NDUFAF6: variants seen among roughly 807,000 people sequenced by gnomAD.
The protein encoded by NDUFAF6 is NADH dehydrogenase (ubiquinone) complex I, assembly factor 6.
In NDUFAF6, 45 loss-of-function variants were observed where a neutral mutation model predicts 40.8. That is an observed-to-expected ratio of 1.10 (90% confidence interval 0.87 to 1.42). The LOEUF (loss-of-function observed/expected upper bound fraction) is 1.42. Among genes scored for constraint, NDUFAF6 ranks in the 40% most tolerant of loss-of-function variants. NDUFAF6 has a pLI of 0.00. For missense variants in NDUFAF6, 435 were observed against 418.5 expected, an observed-to-expected ratio of 1.04 and a Z score of -0.34; for synonymous variants, 185 against 155.9, an observed-to-expected ratio of 1.19 and a Z score of -1.39.
intron 1 of NDUFAF6, among the ~76,000 whole-genome samples, chr8:94,965,520 G>A (rs1245793631): frequency 6.6e-6 from 1 of 152,226 alleles, no homozygotes; most frequent in Non-Finnish European, 1.5e-5. Context: ...CTTGGTAGAA[G>A]GGTGGGAGAT....
upstream of NDUFAF6, among the ~76,000 whole-genome samples, chr8:95,099,392 A>G (rs1000551988): frequency 4.0e-5 from 6 of 151,496 alleles, no homozygotes; most frequent in South Asian, 8.3e-4. Context: ...GCCTTCCTCC[A>G]TATTCTCTGC....
At chr8:95,084,265 T>A (rs751693377) in intron 2 of NDUFAF6, among the ~76,000 whole-genome samples, 1 of 152,144 alleles carries the variant, frequency 6.6e-6, no homozygotes, top group Non-Finnish European at 1.5e-5. Flanking sequence ...GTCCCCTAGT[T>A]ATTTTGAATC....
chr8:94,935,989 A>G (rs1820938208), intron 1 of NDUFAF6, among the ~76,000 whole-genome samples: 1 of 152,184 alleles, frequency 6.6e-6, no homozygotes. Context: ...GTATAGTAGA[A>G]GCTGGAGTGG....
intron 1 of NDUFAF6, among the ~76,000 whole-genome samples, chr8:94,896,139 C>G (rs1430134074): frequency 6.6e-6 from 1 of 152,110 alleles, no homozygotes; most frequent in Admixed American, 6.5e-5. Flanking sequence ...GAGGGTAAAA[C>G]CCCTCTCCGG....
intron 2 of NDUFAF6, among the ~76,000 whole-genome samples, chr8:94,989,929 T>C (rs924641807): frequency 6.6e-6 from 1 of 152,200 alleles, no homozygotes; most frequent in Non-Finnish European, 1.5e-5. Context: ...GGGCTCTCAC[T>C]GTGTTGCCCA....
Position 95,045,651 on chromosome 8 carries a change from A to G in NDUFAF6, c.580+4A>G. ...TACTTAACACTAGAAATATTGGGTA[A>G]GTTGTTTTTCTGTTTCATACTTCTT... is the stretch of plus-strand genomic sequence containing the variant. On this transcript the variant is annotated splice_donor_region_variant and intron_variant, in intron 5 of 8. Coordinates refer to ENST00000396124, the MANE Select transcript of NDUFAF6 (RefSeq NM_152416.4). 6.2e-7 allele frequency: 1 copy of G among 1,607,234 alleles called. No homozygotes were observed. Among genetic ancestry groups the G allele is most frequent in the Non-Finnish European group, 8.5e-7 (1 of 1,174,256 alleles).
intron 8 of NDUFAF6, chr8:95,055,211 C>T (rs1296034893): frequency 2.6e-5 from 4 of 152,132 alleles, no homozygotes; most frequent in Non-Finnish European, 5.9e-5. Context: ...ATAGCAATCA[C>T]CCATGCTTGC....
intron 2 of NDUFAF6, among the ~76,000 whole-genome samples, chr8:94,996,880 G>A (rs953868689): frequency 5.9e-5 from 9 of 152,306 alleles, no homozygotes; most frequent in African/African-American, 2.2e-4. Context: ...TTCCCTGAAA[G>A]CCAAGGAGAG....
At chr8:95,052,349 C>A in intron 8 of NDUFAF6, 119 bp downstream of exon 8, 2 of 1,086,766 alleles carry the variant, frequency 1.8e-6, no homozygotes, top group Non-Finnish European at 2.8e-6. Flanking sequence ...TTTTGTTTCC[C>A]TCCCTCATGG....
chr8:95,025,320 C>A (rs1827972044), intron 1 of NDUFAF6, 115 bp downstream of exon 1: 1 of 1,100,990 alleles, frequency 9.1e-7, no homozygotes, highest in Non-Finnish European at 1.2e-6. Context: ...TTCCTCGTGC[C>A]CCTCTGGGTG....
chr8:95,052,690 CT>C (rs1246229216), intron 8 of NDUFAF6, among the ~76,000 whole-genome samples: 1 of 152,156 alleles, frequency 6.6e-6, no homozygotes, highest in African/African-American at 2.4e-5. Flanking sequence ...TAGCCCACTG[CT>C]GAGCTGGTTG....
Position 95,047,007 on chromosome 8 carries a change from T to A in NDUFAF6, c.594T>A (p.Leu198=). The A allele has an allele frequency of 1.9e-6, 3 of 1,614,136 alleles. No homozygotes were observed. Among genetic ancestry groups the A allele is most frequent in the Non-Finnish European group, 2.5e-6 (3 of 1,180,018 alleles). ...LTLEILGIKD[L]HADHAASHIG... is the part of the protein sequence containing the mutation. ...CTGAAATCATAGGTATAAAGGATCT[T>A]CATGCAGATCATGCTGCAAGTCATA... The change falls in exon 6 of 9, where the codon CTT becomes CTA. Residue 198 remains leucine, a synonymous_variant. Transcript: ENST00000396124.
intron 1 of NDUFAF6, among the ~76,000 whole-genome samples, chr8:95,029,861 C>G (rs904837478): frequency 3.3e-5 from 5 of 152,128 alleles, no homozygotes; most frequent in Admixed American, 1.3e-4. Flanking sequence ...ATGTTAACCT[C>G]TTACTACGTG....
chr8:95,042,313 A>T lies in NDUFAF6; in HGVS notation c.477+687A>T, dbSNP rs368975568. Among the ~76,000 whole-genome samples, 6 of 152,340 alleles carry T rather than the reference A, an allele frequency of 3.9e-5. No homozygotes were observed. In the East Asian group the frequency reaches 5.8e-4, roughly 15 times the overall value. ...TTCCCCTTGGCCTGATATTAATTACATGCTGTTGTCATGGAAATATGTAAG... is the reference window on the plus strand; with the variant it reads ...TTCCCCTTGGCCTGATATTAATTACTTGCTGTTGTCATGGAAATATGTAAG... On this transcript the variant is annotated intron_variant, in intron 4 of 8. Coordinates refer to ENST00000396124, the MANE Select transcript of NDUFAF6 (RefSeq NM_152416.4).
chr8:95,117,974 T>G (rs754933634), downstream of NDUFAF6, among the ~76,000 whole-genome samples: 1 of 152,274 alleles, frequency 6.6e-6, no homozygotes. Flanking sequence ...TATGATTCTG[T>G]GTCGGCTGAC....
Position 95,075,708 on chromosome 8 carries a change from G to C in NDUFAF6, c.*587G>C, listed in dbSNP as rs977394800. ...CCTGGGAAAATGAAGCCAACTGGGA[G>C]AGAGATTTGAAGGACTCTGGTTCTA... On this transcript the variant is annotated 3_prime_UTR_variant and NMD_transcript_variant, in exon 10 of 10. Coordinates refer to the NDUFAF6 transcript ENST00000520757. 3.9e-6 allele frequency: 5 copies of C among 1,287,776 alleles called. No individual in the cohort carries two copies. In the African/African-American group the frequency reaches 7.6e-5, roughly 20 times the overall value. 79.8% of individuals were successfully genotyped at this position (1,287,776 alleles called of 1,614,324 possible).
chr8:94,919,567 C>T (rs963040785), intron 1 of NDUFAF6, among the ~76,000 whole-genome samples: 1 of 152,150 alleles, frequency 6.6e-6, no homozygotes, highest in Non-Finnish European at 1.5e-5. Context: ...ACCAGGAATA[C>T]ATAGCGTTGA....
At chr8:95,115,931 A>G (rs1195988046) in intron 5 of NDUFAF6, among the ~76,000 whole-genome samples, 6 of 152,182 alleles carry the variant, frequency 3.9e-5, no homozygotes, top group Non-Finnish European at 5.9e-5. Context: ...TGAGGTCAGC[A>G]GTTAGAGAAC....
chr8:95,117,251 G>C (rs1810153872), downstream of NDUFAF6, among the ~76,000 whole-genome samples: 3 of 152,076 alleles, frequency 2.0e-5, no homozygotes, highest in South Asian at 6.2e-4. Flanking sequence ...GATGCAAGGA[G>C]GCAAAAAATA....
Sources: allele counts gnomAD v4.1 joint callset (sites outside exome capture counted in the v4.1 genomes callset), GRCh38; gene constraint gnomAD v4.1.1; transcripts MANE v1.5; gene names NCBI Gene and HGNC (gene_info 2026-07-23, HGNC 2026-07-21).